The following MET variants were observed in gnomAD, a reference collection of about 807,000 sequenced individuals.
MET encodes the protein hepatocyte growth factor receptor.
MET carries 48 observed loss-of-function variants against 133.1 expected under a neutral mutation model. That is an observed-to-expected ratio of 0.36 (90% CI 0.29 to 0.46). The LOEUF (loss-of-function observed/expected upper bound fraction) is 0.46, where lower values mean the gene tolerates loss of function less well. Ranked by LOEUF, MET falls within the 20% of genes least tolerant of loss-of-function variation. The pLI, the probability that MET is intolerant of heterozygous loss-of-function variation, is 1.00. For missense variants in MET, 1,442 were observed against 1,695.9 expected, an observed-to-expected ratio of 0.85 and a Z score of 2.63; for synonymous variants, 628 against 616.5, an observed-to-expected ratio of 1.02 and a Z score of -0.28.
intron 1 of MET, among the ~76,000 whole-genome samples, chr7:116,688,889 T>TA (rs1320570570): frequency 6.6e-6 from 1 of 152,184 alleles, no homozygotes; most frequent in African/African-American, 2.4e-5. Flanking sequence ...AGAATCTGAA[T>TA]AAAAGCACTA....
At chr7:116,773,681 T>C (rs1380456478) in intron 14 of MET, among the ~76,000 whole-genome samples, 1 of 152,224 alleles carries the variant, frequency 6.6e-6, no homozygotes, top group Non-Finnish European at 1.5e-5. Context: ...ACTTCACTGA[T>C]GTTCCACATC....
intron 2 of MET, among the ~76,000 whole-genome samples, chr7:116,727,841 T>C (rs1792853505): frequency 6.6e-6 from 1 of 152,162 alleles, no homozygotes; most frequent in Non-Finnish European, 1.5e-5. Context: ...TTGCTGATTA[T>C]CTTTGAGGGA....
At chr7:116,778,719 A>G (rs1338801347) in intron 16 of MET, 57 bp from the exon 17 acceptor site, 26 of 1,575,702 alleles carry the variant, frequency 1.7e-5, no homozygotes, top group Non-Finnish European at 2.3e-5. Flanking sequence ...TCTAAATTTG[A>G]CAAAAGTATT....
Position 116,774,893 on chromosome 7 carries a change from A to T in MET, c.3041A>T (p.Asn1014Ile), listed in dbSNP as rs2117029538. 6.2e-7 allele frequency: 1 copy of T among 1,613,968 alleles called. No individual in the cohort carries two copies. Residue 1014 changes from asparagine to isoleucine, a missense_variant, in exon 15 of 21, where the codon AAT becomes ATT. Asn to Ile is a moderately radical substitution (Grantham distance 149). Transcript: ENST00000397752. The stretch of plus-strand genomic sequence containing the variant: ...CTTCATCTTACAGATCAGTTTCCTA[A>T]TTCATCTCAGAACGGTTCATGCCGA... ...RATFPEDQFPNSSQNGSCRQV... is the reference protein window; with the variant it reads ...RATFPEDQFPISSQNGSCRQV...
At chr7:116,761,887 TC>T (rs1794411836) in intron 10 of MET, among the ~76,000 whole-genome samples, 2 of 152,184 alleles carry the variant, frequency 1.3e-5, no homozygotes, top group Admixed American at 6.5e-5. Flanking sequence ...ATTCTGTTTG[TC>T]CTTTTTATGT....
rs551059658 is a variant in MET, at chr7:116,743,757, G to A, written c.1701+2732G>A. ...CCTGACTGGGAGACACCTCCCAGCA[G>A]GGGTCGACAGACACCTCACACAGGA... On this transcript the variant is annotated intron_variant, in intron 5 of 20. Transcript: ENST00000397752. Among the ~76,000 whole-genome samples, 292 of 152,320 alleles carry A rather than the reference G, an allele frequency of 1.9e-3. 1 individual carries two copies. Among genetic ancestry groups the A allele is most frequent in the Middle Eastern group, 0.017 (5 of 294 alleles).
chr7:116,746,571 A>C (rs1793696265), intron 5 of MET, among the ~76,000 whole-genome samples: 2 of 152,358 alleles, frequency 1.3e-5, no homozygotes, highest in South Asian at 4.1e-4. Flanking sequence ...AAAATGTGGC[A>C]CATATATGCC....
intron 18 of MET, 50 bp from the exon 19 acceptor site, chr7:116,783,254 G>A (rs2117064599): frequency 1.9e-6 from 3 of 1,605,880 alleles, no homozygotes; most frequent in Non-Finnish European, 2.6e-6. Context: ...CAGCATCATT[G>A]TAAATTATTC....
intron 19 of MET, among the ~76,000 whole-genome samples, chr7:116,790,726 T>C (rs1006097274): frequency 9.9e-5 from 15 of 152,208 alleles, no homozygotes; most frequent in African/African-American, 3.6e-4. Context: ...CTTTTTATTT[T>C]TGAGTAGTAT....
At chr7:116,773,134 T>C (rs1794886637) in intron 14 of MET, among the ~76,000 whole-genome samples, 1 of 152,190 alleles carries the variant, frequency 6.6e-6, no homozygotes, top group African/African-American at 2.4e-5. Flanking sequence ...TCATCATTGC[T>C]AAGAAGGTTG....
intron 2 of MET, among the ~76,000 whole-genome samples, chr7:116,702,529 A>C (rs976462434): frequency 6.6e-6 from 1 of 152,178 alleles, no homozygotes; most frequent in African/African-American, 2.4e-5. Flanking sequence ...TACAAGATCA[A>C]AGCTGTTTAG....
intron 2 of MET, among the ~76,000 whole-genome samples, chr7:116,719,969 G>A (rs1159946417): frequency 1.3e-5 from 2 of 152,082 alleles, no homozygotes; most frequent in Admixed American, 6.5e-5. Flanking sequence ...ACTTGGCGAT[G>A]CGGGCTCTTT....
chr7:116,760,453 C>A (rs1309051082), intron 10 of MET, among the ~76,000 whole-genome samples: 1 of 152,062 alleles, frequency 6.6e-6, no homozygotes, highest in East Asian at 1.9e-4. Context: ...GGAGTTATTT[C>A]CAAAGATTCC....
intron 19 of MET, among the ~76,000 whole-genome samples, chr7:116,789,514 C>T (rs1289151667): frequency 6.6e-6 from 1 of 152,178 alleles, no homozygotes; most frequent in African/African-American, 2.4e-5. Flanking sequence ...GGACATAGAA[C>T]AGTTCTATCA....
At chr7:116,682,972 G>A (rs1263857667) in intron 1 of MET, among the ~76,000 whole-genome samples, 2 of 152,118 alleles carry the variant, frequency 1.3e-5, no homozygotes, top group African/African-American at 4.8e-5. Context: ...TTCTACCTAA[G>A]TCTTGACCCT....
In MET at chr7:116,699,618, C is replaced by T. The variant is rs35775721; in HGVS notation, c.534C>T (p.Ser178=). The T allele has an allele frequency of 0.048, 77,825 of 1,613,868 alleles. 2,680 individuals are homozygous for T. Among genetic ancestry groups the T allele is most frequent in the African/African-American group, 0.14 (10,519 of 74,964 alleles). The change falls in exon 2 of 21, where the codon AGC becomes AGT. Residue 178 remains serine, a synonymous_variant. Transcript: ENST00000397752. The part of the protein sequence containing the change: ...EPSQCPDCVV[S]ALGAKVLSSV... ...GCCAGTGTCCTGACTGTGTGGTGAGCGCCCTGGGAGCCAAAGTCCTTTCAT... is the reference window on the plus strand; with the variant it reads ...GCCAGTGTCCTGACTGTGTGGTGAGTGCCCTGGGAGCCAAAGTCCTTTCAT...
chr7:116,751,295 C>T (rs548108908), intron 5 of MET, among the ~76,000 whole-genome samples: 6 of 152,222 alleles, frequency 3.9e-5, no homozygotes, highest in African/African-American at 1.2e-4. Context: ...AGCTGGAAAC[C>T]GTAATTCCCA....
intron 6 of MET, 141 bp from the exon 7 acceptor site, chr7:116,757,296 C>T: frequency 2.8e-6 from 2 of 711,934 alleles, no homozygotes; most frequent in Non-Finnish European, 5.0e-6. Flanking sequence ...TAATTTTTGG[C>T]CTTAATGCTT....
chr7:116,726,379 T>C (rs967134117), intron 2 of MET, among the ~76,000 whole-genome samples: 5 of 151,286 alleles, frequency 3.3e-5, no homozygotes, highest in East Asian at 2.0e-4. Context: ...ATATTCTTTA[T>C]TGGATGCATG....
Sources: gnomAD v4.1 joint callset for allele counts (sites outside exome capture counted in the v4.1 genomes callset) on GRCh38, gnomAD v4.1.1 for gene constraint, MANE v1.5 for transcripts, NCBI Gene and HGNC (gene_info 2026-07-23, HGNC 2026-07-21) for gene names.